Variants in AMPH observed in about 807,000 individuals in gnomAD.
The protein encoded by AMPH is amphiphysin (Stiff-Mann syndrome with breast cancer 128kD autoantigen).
A neutral mutation model predicts 99.1 loss-of-function variants in AMPH; 49 were observed. The ratio of observed to expected loss-of-function variants is 0.49; its 90% CI spans 0.39 to 0.63. The LOEUF (loss-of-function observed/expected upper bound fraction) is 0.63, where lower values mean the gene tolerates loss of function less well. Ranked by LOEUF, AMPH falls within the 20% of genes least tolerant of loss-of-function variation. The pLI is 0.00. For missense variants in AMPH, 759 were observed against 863.4 expected (o/e 0.88, Z 1.52); for synonymous variants, 314 against 317.3 (o/e 0.99, Z 0.11).
At chr7:38,555,332 G>C (rs570662718) in intron 1 of AMPH, among the ~76,000 whole-genome samples, 1 of 152,160 alleles carries the variant, frequency 6.6e-6, no homozygotes, top group Non-Finnish European at 1.5e-5. Flanking sequence ...TTGAGCCCAG[G>C]AGTTTGAGGC....
rs1435942005 is a variant in AMPH, at chr7:38,429,463, C to T, written c.1182+379G>A. Reference sequence around the variant, plus strand: ...ACCCTGTCTGTACTAGCGTCAGGGCCCCAAGTAAATGCACCTATATCATTT... The same window carrying T: ...ACCCTGTCTGTACTAGCGTCAGGGCTCCAAGTAAATGCACCTATATCATTT... On this transcript the variant is annotated intron_variant, in intron 14 of 20. Coordinates refer to ENST00000356264, the MANE Select transcript of AMPH (RefSeq NM_001635.4). The T allele has an allele frequency of 4.6e-6, 6 of 1,304,406 alleles. No homozygotes were observed. In the South Asian group the frequency reaches 6.2e-5, roughly 13 times the overall value. 80.8% of individuals were successfully genotyped at this position (1,304,406 alleles called of 1,614,324 possible). A position where few individuals can be genotyped will look rare whatever the true frequency, so the allele number is the denominator to read the frequency against.
chr7:38,591,598 CT>C (rs1479843941), intron 1 of AMPH, among the ~76,000 whole-genome samples: 1 of 151,988 alleles, frequency 6.6e-6, no homozygotes, highest in Non-Finnish European at 1.5e-5. Flanking sequence ...CAAATGGCTC[CT>C]TTCTATAAAC....
chr7:38,503,162 C>T (rs10264790), intron 3 of AMPH, among the ~76,000 whole-genome samples: 44,011 of 152,162 alleles, frequency 0.29, 6,830 homozygotes, highest in Middle Eastern at 0.35. Context: ...CATTGCACGT[C>T]GGTAGGGATG....
chr7:38,542,653 T>C (rs1015451002), intron 1 of AMPH, among the ~76,000 whole-genome samples: 13 of 152,128 alleles, frequency 8.5e-5, no homozygotes, highest in Non-Finnish European at 1.5e-4. Flanking sequence ...CAGTCATCCA[T>C]TAGACCAATA....
chr7:38,553,227 T>G (rs572611528), intron 1 of AMPH, among the ~76,000 whole-genome samples: 111 of 152,346 alleles, frequency 7.3e-4, no homozygotes, highest in African/African-American at 2.6e-3. Context: ...TTGTTACTGG[T>G]CTTTGGGGGC....
intron 17 of AMPH, among the ~76,000 whole-genome samples, chr7:38,414,347 C>T (rs1785303738): frequency 6.6e-6 from 1 of 152,124 alleles, no homozygotes; most frequent in Non-Finnish European, 1.5e-5. Context: ...AACGTCTTTA[C>T]CACAGTCTTC....
intron 7 of AMPH, among the ~76,000 whole-genome samples, chr7:38,468,185 A>G (rs886539699): frequency 1.3e-5 from 2 of 152,178 alleles, no homozygotes; most frequent in Non-Finnish European, 2.9e-5. Context: ...CCTTACATAC[A>G]ACCTTTATAA....
intron 14 of AMPH, 73 bp downstream of exon 14, chr7:38,429,769 C>T: frequency 6.8e-7 from 1 of 1,467,106 alleles, no homozygotes; most frequent in Non-Finnish European, 9.4e-7. Flanking sequence ...ACAGTTCATT[C>T]TAGAAAATAT....
At chr7:38,519,886 C>T (rs1789888129) in intron 2 of AMPH, among the ~76,000 whole-genome samples, 1 of 152,066 alleles carries the variant, frequency 6.6e-6, no homozygotes, top group Admixed American at 6.6e-5. Flanking sequence ...AGGTACCTAT[C>T]AGTTGTGGAT....
intron 2 of AMPH, among the ~76,000 whole-genome samples, chr7:38,522,397 T>G (rs1204954549): frequency 2.6e-5 from 4 of 152,162 alleles, no homozygotes; most frequent in Non-Finnish European, 5.9e-5. Flanking sequence ...ATTATGAAAT[T>G]GAATTAGGTG....
intron 2 of AMPH, among the ~76,000 whole-genome samples, chr7:38,515,166 C>T (rs995094535): frequency 6.6e-6 from 1 of 152,130 alleles, no homozygotes; most frequent in South Asian, 2.1e-4. Flanking sequence ...CCTTGTTATA[C>T]AGTAACAAAG....
chr7:38,454,591 T>C (rs989614216), intron 11 of AMPH, among the ~76,000 whole-genome samples: 1 of 151,868 alleles, frequency 6.6e-6, no homozygotes, highest in Non-Finnish European at 1.5e-5. Flanking sequence ...GTAGCTGCGG[T>C]GGGATATGTG....
At chr7:38,535,116 G>C in intron 1 of AMPH, 105 bp from the exon 2 acceptor site, 2 of 926,112 alleles carry the variant, frequency 2.2e-6, no homozygotes, top group Non-Finnish European at 3.4e-6. Context: ...CTGAGGAGTA[G>C]AGCAAAACTA....
chr7:38,561,012 C>T (rs772970718), intron 1 of AMPH, among the ~76,000 whole-genome samples: 8 of 152,220 alleles, frequency 5.3e-5, no homozygotes, highest in South Asian at 2.1e-4. Flanking sequence ...CAAGTTAACT[C>T]TTTCACTAGG....
At chr7:38,601,152 C>A (rs2116667) in intron 1 of AMPH, among the ~76,000 whole-genome samples, 1 of 152,104 alleles carries the variant, frequency 6.6e-6, no homozygotes, top group African/African-American at 2.4e-5. Flanking sequence ...CATAAACCTG[C>A]CCTTCTGTAA....
chr7:38,521,648 T>A lies in AMPH; in HGVS notation c.150+13283A>T, dbSNP rs116742365. ...CCCCTCCATGCATCATCTCTTTTTT[T>A]TTAATACTTCATTAAAGGAAAGGAA... On this transcript the variant is annotated intron_variant, in intron 2 of 20. Coordinates refer to ENST00000356264, the MANE Select transcript of AMPH (RefSeq NM_001635.4). 6.8e-3 allele frequency among the ~76,000 whole-genome samples: 1,036 copies of A among 152,312 alleles called. 22 individuals are homozygous for A. The highest frequency in any genetic ancestry group is 0.024 in the African/African-American group (988 of 41,548).
chr7:38,581,072 C>A (rs1326420717), intron 1 of AMPH, among the ~76,000 whole-genome samples: 2 of 150,464 alleles, frequency 1.3e-5, no homozygotes, highest in Non-Finnish European at 3.0e-5. Context: ...CTAGTAGGTG[C>A]CAGGCACACT....
intron 19 of AMPH, among the ~76,000 whole-genome samples, chr7:38,390,820 G>A (rs190733531): frequency 2.6e-5 from 4 of 152,204 alleles, no homozygotes; most frequent in East Asian, 3.9e-4. Flanking sequence ...CAGTTAAAAC[G>A]GAACCTGGCA....
At chr7:38,441,363 T>C (rs899711790) in intron 11 of AMPH, among the ~76,000 whole-genome samples, 1 of 152,158 alleles carries the variant, frequency 6.6e-6, no homozygotes, top group Non-Finnish European at 1.5e-5. Flanking sequence ...TAGATAACAC[T>C]GTGACTAAAT....
Sources: allele counts gnomAD v4.1 joint callset (sites outside exome capture counted in the v4.1 genomes callset), GRCh38; gene constraint gnomAD v4.1.1; transcripts MANE v1.5; gene names NCBI Gene and HGNC (gene_info 2026-07-23, HGNC 2026-07-21).